The following TAFA1 variants were observed in gnomAD, a reference collection of about 807,000 sequenced individuals.
TAFA1 encodes chemokine-like protein TAFA-1.
In TAFA1, 4 loss-of-function variants were observed where a neutral mutation model predicts 18.5. That is an observed-to-expected ratio of 0.22 (90% confidence interval 0.11 to 0.49). TAFA1 has a LOEUF of 0.49. Among genes scored for constraint, TAFA1 ranks in the 20% least tolerant of loss-of-function variants. TAFA1 has a pLI of 0.98. For missense variants in TAFA1, 147 were observed against 169.0 expected (o/e 0.87, Z 0.72); for synonymous variants, 56 against 55.2 (o/e 1.01, Z -0.06).
intron 3 of TAFA1, among the ~76,000 whole-genome samples, chr3:68,531,197 A>G (rs867389641): frequency 2.0e-5 from 3 of 152,152 alleles, no homozygotes; most frequent in African/African-American, 4.8e-5. Context: ...CCTACTTTAT[A>G]GGGTTGTTAA....
At chr3:68,249,525 GT>G (rs1419965233) in intron 2 of TAFA1, among the ~76,000 whole-genome samples, 4 of 152,236 alleles carry the variant, frequency 2.6e-5, no homozygotes, top group African/African-American at 9.6e-5. Flanking sequence ...GAAGAGTGGT[GT>G]TTCCCCAGAG....
chr3:68,377,550 T>C (rs534877734), intron 2 of TAFA1, among the ~76,000 whole-genome samples: 1 of 152,306 alleles, frequency 6.6e-6, no homozygotes, highest in South Asian at 2.1e-4. Flanking sequence ...TGCAGCCTGA[T>C]GATGCAATAG....
chr3:68,505,077 C>A (rs1042956877), intron 3 of TAFA1, among the ~76,000 whole-genome samples: 8 of 152,238 alleles, frequency 5.3e-5, no homozygotes, highest in Admixed American at 3.9e-4. Flanking sequence ...TGTGCAAGAG[C>A]TACCTCCTGA....
chr3:68,339,963 A>G (rs1396688242), intron 2 of TAFA1, among the ~76,000 whole-genome samples: 1 of 152,228 alleles, frequency 6.6e-6, no homozygotes, highest in East Asian at 1.9e-4. Context: ...ATCTTCTGAT[A>G]CGAATACTAT....
At chr3:68,318,930 A>T (rs1267005312) in intron 2 of TAFA1, among the ~76,000 whole-genome samples, 2 of 152,062 alleles carry the variant, frequency 1.3e-5, no homozygotes, top group Non-Finnish European at 2.9e-5. Flanking sequence ...TCATAACACT[A>T]ATAAACATCC....
At chr3:68,118,573 T>C (rs2065350671) in intron 2 of TAFA1, among the ~76,000 whole-genome samples, 1 of 152,168 alleles carries the variant, frequency 6.6e-6, no homozygotes, top group Non-Finnish European at 1.5e-5. Context: ...CTACCTTCTG[T>C]TTCTATACAT....
At chr3:68,395,322 A>G (rs1343307960) in intron 2 of TAFA1, among the ~76,000 whole-genome samples, 2 of 152,214 alleles carry the variant, frequency 1.3e-5, no homozygotes, top group Admixed American at 6.5e-5. Context: ...GAGAAATAGG[A>G]ACGCTTTTAC....
At chr3:68,400,309 A>G (rs188674915) in intron 2 of TAFA1, among the ~76,000 whole-genome samples, 1 of 152,194 alleles carries the variant, frequency 6.6e-6, no homozygotes, top group African/African-American at 2.4e-5. Context: ...CACATTTTAC[A>G]GATAAGTAAA....
At chr3:68,343,637 C>A (rs1414820980) in intron 2 of TAFA1, among the ~76,000 whole-genome samples, 2 of 152,152 alleles carry the variant, frequency 1.3e-5, no homozygotes, top group African/African-American at 4.8e-5. Context: ...ATCTGTTGGG[C>A]AGCTACTAGT....
At chr3:68,354,938 G>A (rs2069334850) in intron 2 of TAFA1, among the ~76,000 whole-genome samples, 2 of 151,908 alleles carry the variant, frequency 1.3e-5, no homozygotes, top group South Asian at 2.1e-4. Context: ...TGTTGTATTG[G>A]GAATTAAGTT....
intron 2 of TAFA1, among the ~76,000 whole-genome samples, chr3:68,128,588 C>A (rs991221046): frequency 6.6e-6 from 1 of 152,116 alleles, no homozygotes; most frequent in Non-Finnish European, 1.5e-5. Context: ...CCAAAACATG[C>A]AGAACTGTTG....
At chr3:68,490,394 A>C (rs546691009) in intron 3 of TAFA1, among the ~76,000 whole-genome samples, 16 of 143,418 alleles carry the variant, frequency 1.1e-4, no homozygotes, top group Admixed American at 4.3e-4. Flanking sequence ...TTGAGCTTTT[A>C]ATACGAAAGA....
At chr3:68,440,037 G>A (rs1384106406) in intron 3 of TAFA1, among the ~76,000 whole-genome samples, 1 of 141,142 alleles carries the variant, frequency 7.1e-6, no homozygotes, top group Non-Finnish European at 1.5e-5. Context: ...TGGTTTAGCT[G>A]TGTCCCCCCC....
intron 2 of TAFA1, among the ~76,000 whole-genome samples, chr3:68,314,475 G>A (rs2068573703): frequency 2.6e-5 from 4 of 152,138 alleles, no homozygotes; most frequent in Non-Finnish European, 5.9e-5. Context: ...TCCACAGATT[G>A]TTGTCAAATA....
chr3:68,255,656 T>A (rs547858117), intron 2 of TAFA1, among the ~76,000 whole-genome samples: 1 of 151,880 alleles, frequency 6.6e-6, no homozygotes, highest in Non-Finnish European at 1.5e-5. Context: ...CTTGAGAGTT[T>A]TATAGGGTTT....
chr3:68,014,911 T>A (rs1352701188), intron 2 of TAFA1, among the ~76,000 whole-genome samples: 1 of 152,106 alleles, frequency 6.6e-6, no homozygotes, highest in Non-Finnish European at 1.5e-5. Context: ...GCCAAATAAA[T>A]CAAGACTGAT....
chr3:68,153,813 T>C (rs1437532304), intron 2 of TAFA1, among the ~76,000 whole-genome samples: 1 of 152,172 alleles, frequency 6.6e-6, no homozygotes, highest in Non-Finnish European at 1.5e-5. Context: ...CTTGCCTTTT[T>C]TCATTGCTAT....
intron 3 of TAFA1, among the ~76,000 whole-genome samples, chr3:68,531,755 A>G (rs1358972622): frequency 6.6e-6 from 1 of 151,998 alleles, no homozygotes; most frequent in Non-Finnish European, 1.5e-5. Context: ...GTGACCAATT[A>G]TTATTTTAGA....
chr3:68,234,663 AGAGTC>A lies in TAFA1; in HGVS notation c.119-182611_119-182607del, dbSNP rs149531422. Among the ~76,000 whole-genome samples, 430 of 152,268 alleles carry A rather than the reference AGAGTC, an allele frequency of 2.8e-3. 1 individual carries two copies. The highest frequency in any genetic ancestry group is 0.01 in the African/African-American group (418 of 41,536). ...AAAGCTCTGCTTGGCCTTTCAAGAT[AGAGTC>A]GAGTCATCACTACCCACATTTTCAC... On this transcript the variant is annotated intron_variant, in intron 2 of 4. Coordinates refer to ENST00000478136, the MANE Select transcript of TAFA1 (RefSeq NM_213609.4).
Sources: allele counts gnomAD v4.1 joint callset (sites outside exome capture counted in the v4.1 genomes callset), GRCh38; gene constraint gnomAD v4.1.1; transcripts MANE v1.5; gene names NCBI Gene and HGNC (gene_info 2026-07-23, HGNC 2026-07-21).